BANF2: variants seen among roughly 807,000 people sequenced by gnomAD.
BANF2 encodes the protein BANF family member 2.
A neutral mutation model predicts 8.0 loss-of-function variants in BANF2; 4 were observed. The ratio of observed to expected loss-of-function variants is 0.50; its 90% CI spans 0.25 to 1.14. BANF2 has a LOEUF of 1.14. BANF2 is among the 50% of genes most tolerant of loss of function. BANF2 has a pLI of 0.16. For synonymous variants in BANF2, 50 were observed against 40.6 expected, an observed-to-expected ratio of 1.23 and a Z score of -0.88; for missense variants, 96 against 107.5, an observed-to-expected ratio of 0.89 and a Z score of 0.47.
At chr20:17,706,890 A>G (rs2037489138) in intron 1 of BANF2, among the ~76,000 whole-genome samples, 1 of 152,194 alleles carries the variant, frequency 6.6e-6, no homozygotes, top group Admixed American at 6.5e-5. Context: ...CCATGCAGGC[A>G]AGTAGACGCT....
intron 1 of BANF2, among the ~76,000 whole-genome samples, chr20:17,700,841 C>A (rs1206661719): frequency 6.6e-6 from 1 of 152,206 alleles, no homozygotes; most frequent in Non-Finnish European, 1.5e-5. Flanking sequence ...GGCACAGCTG[C>A]CTTCCCTACC....
At chr20:17,725,646 G>A (rs2037798406) in intron 3 of BANF2, among the ~76,000 whole-genome samples, 1 of 152,226 alleles carries the variant, frequency 6.6e-6, no homozygotes, top group Admixed American at 6.5e-5. Flanking sequence ...AGGATATCCA[G>A]TGGAATTGGA....
upstream of BANF2, among the ~76,000 whole-genome samples, chr20:17,697,927 G>A (rs1048196822): frequency 3.3e-5 from 5 of 151,968 alleles, no homozygotes; most frequent in South Asian, 2.1e-4. Flanking sequence ...GTACCCGGCC[G>A]GGTACGGTGG....
chr20:17,734,525 A>G (rs766574433), intron 3 of BANF2, among the ~76,000 whole-genome samples: 1 of 152,218 alleles, frequency 6.6e-6, no homozygotes, highest in Non-Finnish European at 1.5e-5. Flanking sequence ...CTGAGATCAC[A>G]CAGGTGGTTT....
intron 1 of BANF2, among the ~76,000 whole-genome samples, chr20:17,694,040 G>A (rs892061917): frequency 6.6e-6 from 1 of 152,204 alleles, no homozygotes; most frequent in Non-Finnish European, 1.5e-5. Context: ...CGATGAATTG[G>A]CAGATTGAAC....
At chr20:17,703,554 G>T (rs2037439709) in intron 1 of BANF2, among the ~76,000 whole-genome samples, 1 of 152,164 alleles carries the variant, frequency 6.6e-6, no homozygotes, top group Non-Finnish European at 1.5e-5. Flanking sequence ...TCTGGGTCTG[G>T]AATGTGAGCA....
In BANF2 at chr20:17,723,377, GT is replaced by G. The variant is rs149275508; in HGVS notation, c.-4+501del. ...CTTGCAAAGGCAATGCTGCAGCCCA[GT>G]TACTTCCACGAAGGAGTTAAGCTGA... On this transcript the variant is annotated intron_variant, in intron 2 of 3. Coordinates refer to ENST00000246090, the MANE Select transcript of BANF2 (RefSeq NM_178477.5). 2.0e-5 allele frequency among the ~76,000 whole-genome samples: 3 copies of G among 152,370 alleles called. No homozygotes were observed. The East Asian group carries it at 5.8e-4, about 29-fold the overall frequency.
At chr20:17,719,832 C>T (rs1201066424) in intron 1 of BANF2, among the ~76,000 whole-genome samples, 2 of 152,184 alleles carry the variant, frequency 1.3e-5, no homozygotes, top group African/African-American at 2.4e-5. Flanking sequence ...GGGGTAGACA[C>T]TGCCTGGGAG....
At chr20:17,697,972 G>A (rs1380347529), upstream of BANF2, among the ~76,000 whole-genome samples, 1 of 151,966 alleles carries the variant, frequency 6.6e-6, no homozygotes, top group African/African-American at 2.4e-5. Context: ...TGGGAGGCCA[G>A]GATGGGCGGA....
At chr20:17,703,827 C>T (rs774676816) in intron 1 of BANF2, among the ~76,000 whole-genome samples, 5 of 151,002 alleles carry the variant, frequency 3.3e-5, no homozygotes, top group African/African-American at 9.8e-5. Flanking sequence ...CTGCAACCTC[C>T]GCCTCCCAAT....
At chr20:17,716,484 C>T (rs2122607411) in intron 1 of BANF2, among the ~76,000 whole-genome samples, 1 of 152,246 alleles carries the variant, frequency 6.6e-6, no homozygotes, top group South Asian at 2.1e-4. Context: ...CAGGTGTGTG[C>T]CACCATGCCT....
intron 3 of BANF2, among the ~76,000 whole-genome samples, chr20:17,727,883 C>A (rs1438932641): frequency 6.6e-6 from 1 of 152,138 alleles, no homozygotes; most frequent in Non-Finnish European, 1.5e-5. Flanking sequence ...AGACTAGAGG[C>A]ACGCACCACT....
intron 3 of BANF2, among the ~76,000 whole-genome samples, chr20:17,732,362 C>T (rs1024394349): frequency 1.3e-5 from 2 of 152,190 alleles, no homozygotes; most frequent in African/African-American, 4.8e-5. Flanking sequence ...CCTTGAGCCC[C>T]CATCCTTTTG....
At chr20:17,721,238 T>C (rs1351849062) in intron 1 of BANF2, among the ~76,000 whole-genome samples, 1 of 152,168 alleles carries the variant, frequency 6.6e-6, no homozygotes, top group African/African-American at 2.4e-5. Flanking sequence ...GGCCAGTGGC[T>C]GCTTTACAGG....
chr20:17,720,942 G>A (rs1317341221), intron 1 of BANF2, among the ~76,000 whole-genome samples: 5 of 152,272 alleles, frequency 3.3e-5, no homozygotes, highest in African/African-American at 9.6e-5. Flanking sequence ...TCTGAGGCCC[G>A]TCCCAGACCT....
chr20:17,718,329 C>T (rs542074450), intron 1 of BANF2, among the ~76,000 whole-genome samples: 5 of 152,054 alleles, frequency 3.3e-5, no homozygotes, highest in South Asian at 2.1e-4. Flanking sequence ...CTCAGCCTCC[C>T]GAGTAGCTGG....
At chr20:17,728,329 C>T (rs1179501307) in intron 3 of BANF2, among the ~76,000 whole-genome samples, 1 of 152,190 alleles carries the variant, frequency 6.6e-6, no homozygotes, top group Admixed American at 6.5e-5. Flanking sequence ...TGTGGGCCAC[C>T]CTCACACTTA....
intron 1 of BANF2, among the ~76,000 whole-genome samples, chr20:17,707,382 C>CAA (rs374719840): frequency 7.0e-6 from 1 of 142,350 alleles, no homozygotes; most frequent in African/African-American, 2.7e-5. Flanking sequence ...GACTCTGTGT[C>CAA]AAAAAAAAGA....
upstream of BANF2, among the ~76,000 whole-genome samples, chr20:17,699,240 G>C (rs139948408): frequency 1.2e-4 from 18 of 152,326 alleles, no homozygotes; most frequent in East Asian, 3.3e-3. Context: ...AGCACCAGCA[G>C]CAAAAGGGAA....
Sources: gnomAD v4.1 joint callset for allele counts (sites outside exome capture counted in the v4.1 genomes callset) on GRCh38, gnomAD v4.1.1 for gene constraint, MANE v1.5 for transcripts, NCBI Gene and HGNC (gene_info 2026-07-23, HGNC 2026-07-21) for gene names.